Variants in RTN1 observed in about 807,000 individuals in gnomAD.
RTN1 encodes reticulon 1.
A neutral mutation model predicts 65.5 loss-of-function variants in RTN1; 25 were observed. That is an observed-to-expected ratio of 0.38 (90% CI 0.28 to 0.53). The LOEUF (loss-of-function observed/expected upper bound fraction) is 0.53, where lower values mean the gene tolerates loss of function less well. RTN1 is among the 20% of genes least tolerant of loss of function. The pLI, the probability that RTN1 is intolerant of heterozygous loss-of-function variation, is 0.79. For synonymous variants in RTN1, 471 were observed against 447.6 expected (o/e 1.05, Z -0.66); for missense variants, 983 against 1,025.4 (o/e 0.96, Z 0.57).
intron 1 of RTN1, among the ~76,000 whole-genome samples, chr14:59,759,346 C>A (rs997064316): frequency 1.1e-4 from 16 of 152,118 alleles, no homozygotes; most frequent in Non-Finnish European, 1.9e-4. Context: ...GCTTGGAATA[C>A]CGACTCCCCC....
intron 3 of RTN1, among the ~76,000 whole-genome samples, chr14:59,685,863 A>G (rs1883836773): frequency 6.6e-6 from 1 of 152,192 alleles, no homozygotes; most frequent in South Asian, 2.1e-4. Context: ...ACCTAAAGCA[A>G]TCCTGAGCAA....
intron 3 of RTN1, among the ~76,000 whole-genome samples, chr14:59,674,248 A>C (rs1197739986): frequency 3.9e-5 from 6 of 152,232 alleles, no homozygotes; most frequent in Non-Finnish European, 8.8e-5. Flanking sequence ...CCAGATAGCT[A>C]CCGATATGGG....
chr14:59,675,455 C>T lies in RTN1; in HGVS notation c.1765+51464G>A, dbSNP rs866737861. Among the ~76,000 whole-genome samples, 24 of 137,690 alleles carry T rather than the reference C, an allele frequency of 1.7e-4. 1 individual carries two copies. The highest frequency in any genetic ancestry group is 2.6e-4 in the Non-Finnish European group (17 of 66,078). 90.3% of individuals were successfully genotyped at this position (137,690 alleles called of 152,430 possible). ...AGACCTATAGGACTTGGGGGGGGGG[C>T]GCTATAATTTATTGAGCACTTACTA... On this transcript the variant is annotated intron_variant, in intron 3 of 8. Transcript: ENST00000267484.
chr14:59,655,510 A>C (rs530328554), intron 3 of RTN1, among the ~76,000 whole-genome samples: 1 of 152,320 alleles, frequency 6.6e-6, no homozygotes, highest in East Asian at 1.9e-4. Flanking sequence ...ACTCAGAATA[A>C]ACAAAATAAT....
At chr14:59,644,600 G>A (rs534011959) in intron 3 of RTN1, among the ~76,000 whole-genome samples, 1 of 152,334 alleles carries the variant, frequency 6.6e-6, no homozygotes, top group Admixed American at 6.5e-5. Flanking sequence ...CCCGAGGAAA[G>A]GGGCTGAATC....
intron 1 of RTN1, among the ~76,000 whole-genome samples, chr14:59,748,784 A>G (rs1458221656): frequency 2.0e-5 from 3 of 151,842 alleles, no homozygotes; most frequent in Admixed American, 6.6e-5. Flanking sequence ...AAAATAAAGG[A>G]AAGTGATATT....
chr14:59,737,026 G>A (rs1223916971), intron 2 of RTN1, among the ~76,000 whole-genome samples: 4 of 152,042 alleles, frequency 2.6e-5, no homozygotes, highest in Non-Finnish European at 5.9e-5. Flanking sequence ...AAAATAATAT[G>A]AGCCATATAT....
intron 3 of RTN1, among the ~76,000 whole-genome samples, chr14:59,610,691 A>G (rs901619416): frequency 2.6e-5 from 4 of 152,230 alleles, no homozygotes; most frequent in Non-Finnish European, 4.4e-5. Flanking sequence ...GCCCTTTCCC[A>G]AAGCACACCT....
intron 1 of RTN1, among the ~76,000 whole-genome samples, chr14:59,750,375 T>TA (rs1566713735): frequency 4.4e-5 from 2 of 45,868 alleles, no homozygotes; most frequent in African/African-American, 1.6e-4. Flanking sequence ...ATTATATCTA[T>TA]ATATTATATA....
chr14:59,724,775 T>C (rs1023319193), intron 3 of RTN1, among the ~76,000 whole-genome samples: 1 of 150,676 alleles, frequency 6.6e-6, no homozygotes, highest in South Asian at 2.1e-4. Flanking sequence ...TGATCCTTTC[T>C]CACCTGCTGA....
Position 59,868,657 on chromosome 14 carries a change from T to A in RTN1, c.241+1733A>T, listed in dbSNP as rs1245242578. Among the ~76,000 whole-genome samples the A allele has an allele frequency of 6.6e-6, 1 of 152,222 alleles. No homozygotes were observed. The highest frequency in any genetic ancestry group is 1.5e-5 in the Non-Finnish European group (1 of 68,038). On this transcript the variant is annotated intron_variant, in intron 1 of 8. Coordinates refer to ENST00000267484, the MANE Select transcript of RTN1 (RefSeq NM_021136.3). The surrounding 1 kb of genome is among the most constrained non-coding windows in gnomAD (Gnocchi z 4.0). The stretch of plus-strand genomic sequence containing the variant: ...CACACTGTACCCCACAAATATATAT[T>A]CTAAGCATTTCCTATATAATAACTT...
intron 1 of RTN1, among the ~76,000 whole-genome samples, chr14:59,758,510 T>G (rs1885685305): frequency 2.0e-5 from 3 of 152,130 alleles, no homozygotes; most frequent in Admixed American, 2.0e-4. Context: ...GCTCAAGCCC[T>G]TCTCCTCAAT....
chr14:59,745,543 T>C (rs183388433), intron 2 of RTN1, among the ~76,000 whole-genome samples, 165 bp downstream of exon 2: 7 of 152,268 alleles, frequency 4.6e-5, no homozygotes, highest in East Asian at 1.9e-4. Flanking sequence ...CAGCAACAAA[T>C]TGAAAACTTT....
At chr14:59,841,157 G>A (rs1314482613) in intron 1 of RTN1, among the ~76,000 whole-genome samples, 1 of 152,098 alleles carries the variant, frequency 6.6e-6, no homozygotes, top group African/African-American at 2.4e-5. Context: ...GATAGGTTAA[G>A]GATGTTAGCC....
chr14:59,827,578 A>G (rs1280046956), intron 1 of RTN1, among the ~76,000 whole-genome samples: 1 of 152,198 alleles, frequency 6.6e-6, no homozygotes, highest in African/African-American at 2.4e-5. Context: ...AATAGAGTCC[A>G]TAACTCTGCA....
rs192514487 is a variant in RTN1, at chr14:59,836,233, G to A, written c.241+34157C>T. On this transcript the variant is annotated intron_variant, in intron 1 of 8. Transcript: ENST00000267484. This position sits in a 1 kb window ranked among gnomAD's most constrained non-coding sequence, Gnocchi z 4.9. ...TATTCACAGGTTCCAGGGATTAGAC[G>A]TGGACACCTTTGGGAGCCATTATTC... 3.0e-4 allele frequency among the ~76,000 whole-genome samples: 45 copies of A among 152,326 alleles called. No homozygotes were observed. Among genetic ancestry groups the A allele is most frequent in the African/African-American group, 1.0e-3 (43 of 41,564 alleles).
intron 1 of RTN1, among the ~76,000 whole-genome samples, chr14:59,842,733 G>A (rs1887336479): frequency 6.6e-6 from 1 of 152,172 alleles, no homozygotes; most frequent in African/African-American, 2.4e-5. Context: ...CTTAAAATGA[G>A]TGCATTTTAT....
intron 3 of RTN1, among the ~76,000 whole-genome samples, chr14:59,629,326 T>G (rs1456224163): frequency 6.6e-6 from 1 of 152,210 alleles, no homozygotes; most frequent in East Asian, 1.9e-4. Flanking sequence ...GTTTACTTTT[T>G]CTTAAAATAT....
At chr14:59,634,664 C>T (rs564155691) in intron 3 of RTN1, among the ~76,000 whole-genome samples, 60 of 152,254 alleles carry the variant, frequency 3.9e-4, no homozygotes, top group African/African-American at 1.3e-3. Context: ...ACTGGGAACT[C>T]GAGTCCAGAG....
Sources: allele counts gnomAD v4.1 joint callset (sites outside exome capture counted in the v4.1 genomes callset), GRCh38; gene constraint gnomAD v4.1.1; non-coding constraint Gnocchi (gnomAD v3.1); transcripts MANE v1.5; gene names NCBI Gene and HGNC (gene_info 2026-07-23, HGNC 2026-07-21).